RUNDC3B: variants seen among roughly 807,000 people sequenced by gnomAD.
RUNDC3B encodes RUN domain-containing protein 3B.
RUNDC3B carries 33 observed loss-of-function variants against 58.4 expected under a neutral mutation model. The ratio of observed to expected loss-of-function variants is 0.56; its 90% confidence interval spans 0.43 to 0.75. The LOEUF is 0.75. Among genes scored for constraint, RUNDC3B ranks in the 30% least tolerant of loss-of-function variants. The pLI, the probability that RUNDC3B is intolerant of heterozygous loss-of-function variation, is 0.00. For synonymous variants in RUNDC3B, 193 were observed against 195.2 expected, an observed-to-expected ratio of 0.99 and a Z score of 0.10; for missense variants, 501 against 535.7, an observed-to-expected ratio of 0.94 and a Z score of 0.64.
intron 6 of RUNDC3B, among the ~76,000 whole-genome samples, chr7:87,752,740 A>G (rs1235231358): frequency 2.6e-5 from 4 of 151,790 alleles, no homozygotes; most frequent in Admixed American, 1.3e-4. Context: ...ATCATTTTTT[A>G]TTGCGTCTAT....
At chr7:87,635,150 T>C (rs1364973800) in intron 1 of RUNDC3B, among the ~76,000 whole-genome samples, 3 of 152,196 alleles carry the variant, frequency 2.0e-5, no homozygotes, top group South Asian at 2.1e-4. Context: ...CACTCTTCTA[T>C]TCCCTCTTAC....
chr7:87,695,618 T>A (rs550990141), intron 2 of RUNDC3B, among the ~76,000 whole-genome samples: 1 of 152,132 alleles, frequency 6.6e-6, no homozygotes, highest in Admixed American at 6.5e-5. Flanking sequence ...AACAGAACTT[T>A]CATTTGTGAA....
At chr7:87,732,334 A>G (rs1213145968) in intron 4 of RUNDC3B, among the ~76,000 whole-genome samples, 1 of 152,210 alleles carries the variant, frequency 6.6e-6, no homozygotes, top group Non-Finnish European at 1.5e-5. Context: ...TTAATGATAT[A>G]TCTTAAAGAA....
At chr7:87,675,909 G>T (rs1036934849) in intron 2 of RUNDC3B, among the ~76,000 whole-genome samples, 2 of 152,108 alleles carry the variant, frequency 1.3e-5, no homozygotes, top group African/African-American at 4.8e-5. Flanking sequence ...TAAATAAGTG[G>T]AACGACATTA....
chr7:87,651,246 A>G (rs1477002378), intron 2 of RUNDC3B, among the ~76,000 whole-genome samples: 2 of 152,162 alleles, frequency 1.3e-5, no homozygotes, highest in Non-Finnish European at 2.9e-5. Context: ...GTTTTAATCA[A>G]TTTACAGAGA....
intron 8 of RUNDC3B, among the ~76,000 whole-genome samples, chr7:87,789,395 A>G (rs763689092): frequency 1.3e-5 from 2 of 152,206 alleles, no homozygotes; most frequent in Non-Finnish European, 2.9e-5. Context: ...AATTTAGTGT[A>G]GTTCGTAGTG....
intron 8 of RUNDC3B, among the ~76,000 whole-genome samples, chr7:87,787,285 T>C (rs528929324): frequency 6.6e-6 from 1 of 152,310 alleles, no homozygotes; most frequent in South Asian, 2.1e-4. Flanking sequence ...CAAGAAGGCC[T>C]ATAATCAAAG....
At chr7:87,664,111 CTG>C (rs1464751302) in intron 2 of RUNDC3B, among the ~76,000 whole-genome samples, 1 of 152,040 alleles carries the variant, frequency 6.6e-6, no homozygotes, top group African/African-American at 2.4e-5. Flanking sequence ...CTTCTTGTCT[CTG>C]TGCACTTTGA....
intron 2 of RUNDC3B, among the ~76,000 whole-genome samples, chr7:87,682,356 G>A (rs1827007459): frequency 1.3e-5 from 2 of 152,306 alleles, no homozygotes; most frequent in South Asian, 4.1e-4. Flanking sequence ...AATCTCGAAT[G>A]TTCTTGACGA....
intron 4 of RUNDC3B, among the ~76,000 whole-genome samples, chr7:87,725,491 T>A (rs1357522577): frequency 6.6e-6 from 1 of 152,262 alleles, no homozygotes; most frequent in Non-Finnish European, 1.5e-5. Context: ...AGTCTATCAT[T>A]GTTGGACATT....
intron 1 of RUNDC3B, among the ~76,000 whole-genome samples, chr7:87,648,567 TG>T (rs1823260489): frequency 1.3e-5 from 2 of 152,078 alleles, no homozygotes; most frequent in Non-Finnish European, 2.9e-5. Flanking sequence ...TATCTTAAGT[TG>T]TATAAATGAG....
intron 9 of RUNDC3B, among the ~76,000 whole-genome samples, chr7:87,809,069 A>G (rs1836577335): frequency 6.6e-6 from 1 of 152,188 alleles, no homozygotes; most frequent in South Asian, 2.1e-4. Flanking sequence ...TAAGAAGTCT[A>G]AAGTGGAAGA....
intron 2 of RUNDC3B, among the ~76,000 whole-genome samples, chr7:87,654,158 C>T (rs1182625647): frequency 6.6e-6 from 1 of 151,730 alleles, no homozygotes; most frequent in Non-Finnish European, 1.5e-5. Context: ...TAACAATCTA[C>T]CCAACATAAT....
At chr7:87,689,126 G>A (rs1157775441) in intron 2 of RUNDC3B, among the ~76,000 whole-genome samples, 1 of 151,978 alleles carries the variant, frequency 6.6e-6, no homozygotes, top group East Asian at 1.9e-4. Flanking sequence ...CAAAGAAGAT[G>A]ATACTATGAA....
intron 2 of RUNDC3B, among the ~76,000 whole-genome samples, chr7:87,668,451 C>T (rs1825489886): frequency 6.6e-6 from 1 of 151,746 alleles, no homozygotes; most frequent in African/African-American, 2.4e-5. Flanking sequence ...ATTAATTGAT[C>T]TTTTGATTGT....
chr7:87,720,131 G>A (rs182709160), intron 4 of RUNDC3B, among the ~76,000 whole-genome samples: 137 of 152,042 alleles, frequency 9.0e-4, no homozygotes, highest in Non-Finnish European at 1.6e-3. Context: ...AATACAAATT[G>A]GGAGGAAAAG....
intron 1 of RUNDC3B, among the ~76,000 whole-genome samples, chr7:87,640,221 T>C (rs1350586686): frequency 6.7e-6 from 1 of 150,200 alleles, no homozygotes; most frequent in Admixed American, 6.7e-5. Flanking sequence ...AAATCTTACA[T>C]TATTTTATTA....
At chr7:87,684,773 AGAAT>A (rs1194310115) in intron 2 of RUNDC3B, among the ~76,000 whole-genome samples, 11 of 142,022 alleles carry the variant, frequency 7.7e-5, no homozygotes, top group African/African-American at 2.0e-4. Flanking sequence ...AAAAAAAAAA[AGAAT>A]AGAATAGAAT....
intron 2 of RUNDC3B, among the ~76,000 whole-genome samples, chr7:87,668,220 T>G (rs572075161): frequency 6.6e-6 from 1 of 151,786 alleles, no homozygotes; most frequent in East Asian, 1.9e-4. Context: ...CTTGAGAGAG[T>G]GTATACGTCC....
Sources: gnomAD v4.1 joint callset for allele counts (sites outside exome capture counted in the v4.1 genomes callset) on GRCh38, gnomAD v4.1.1 for gene constraint, MANE v1.5 for transcripts, NCBI Gene and HGNC (gene_info 2026-07-23, HGNC 2026-07-21) for gene names.